Variants in FBXL17 observed in about 807,000 individuals in gnomAD.
FBXL17 encodes the protein F-box and leucine rich repeat protein 17.
Under a neutral mutation model 66.2 loss-of-function variants are expected in FBXL17, and 22 were observed. That is an observed-to-expected ratio of 0.33 (90% CI 0.24 to 0.47). The LOEUF (loss-of-function observed/expected upper bound fraction) is 0.47, where lower values mean the gene tolerates loss of function less well. Ranked by LOEUF, FBXL17 falls within the 20% of genes least tolerant of loss-of-function variation. The pLI is 1.00. For synonymous variants in FBXL17, 474 were observed against 400.5 expected (o/e 1.18, Z -2.19); for missense variants, 878 against 948.2 (o/e 0.93, Z 0.97).
At chr5:107,868,156 T>G (rs1458708754) in intron 8 of FBXL17, among the ~76,000 whole-genome samples, 2 of 152,146 alleles carry the variant, frequency 1.3e-5, no homozygotes, top group African/African-American at 4.8e-5. Flanking sequence ...TAGCTAGAAT[T>G]TGAATTCAGG....
At chr5:107,928,970 G>C (rs922169130) in intron 7 of FBXL17, among the ~76,000 whole-genome samples, 1 of 151,948 alleles carries the variant, frequency 6.6e-6, no homozygotes, top group African/African-American at 2.4e-5. Context: ...CAATCTTCTT[G>C]TGCAGGAGTG....
At chr5:108,206,816 A>C (rs1754138221) in intron 5 of FBXL17, among the ~76,000 whole-genome samples, 1 of 152,156 alleles carries the variant, frequency 6.6e-6, no homozygotes, top group Non-Finnish European at 1.5e-5. Context: ...GTTTCTAATA[A>C]AGCTGCTATA....
chr5:108,008,589 T>A (rs999475583), intron 7 of FBXL17, among the ~76,000 whole-genome samples: 2 of 152,218 alleles, frequency 1.3e-5, no homozygotes, highest in African/African-American at 4.8e-5. Flanking sequence ...AATATAAATG[T>A]GTGTAATAAT....
At chr5:108,349,155 A>C (rs532118024) in intron 3 of FBXL17, among the ~76,000 whole-genome samples, 1 of 152,292 alleles carries the variant, frequency 6.6e-6, no homozygotes, top group African/African-American at 2.4e-5. Context: ...TAAAGGAATA[A>C]ATTATGGTGT....
At chr5:108,158,228 C>T (rs543619824) in intron 6 of FBXL17, among the ~76,000 whole-genome samples, 1 of 151,906 alleles carries the variant, frequency 6.6e-6, no homozygotes, top group East Asian at 1.9e-4. Flanking sequence ...AAATTAGTAT[C>T]CATAAGTATA....
At position 107,981,735 on chromosome 5, in the gene FBXL17, C is replaced by T. The variant is rs574727154; in HGVS notation, c.1822+39190G>A. 7.2e-5 allele frequency among the ~76,000 whole-genome samples: 11 copies of T among 152,332 alleles called. No homozygotes were observed. In the Middle Eastern group the frequency reaches 0.01, roughly 141 times the overall value. On this transcript the variant is annotated intron_variant, in intron 7 of 8. Transcript: ENST00000542267. Reference sequence around the variant, plus strand: ...AACATTATAGAAAAAAAACATTCTCCTTGATATTCTTGCCAGCATGCGGAG... The same window carrying T: ...AACATTATAGAAAAAAAACATTCTCTTTGATATTCTTGCCAGCATGCGGAG...
intron 6 of FBXL17, among the ~76,000 whole-genome samples, chr5:108,152,905 A>G (rs1377782119): frequency 6.6e-6 from 1 of 152,224 alleles, no homozygotes; most frequent in Non-Finnish European, 1.5e-5. Context: ...CTAGAATTGT[A>G]GCTCCCATAA....
chr5:108,150,300 T>C (rs1751719975), intron 6 of FBXL17, among the ~76,000 whole-genome samples: 2 of 152,154 alleles, frequency 1.3e-5, no homozygotes, highest in African/African-American at 4.8e-5. Flanking sequence ...ATCTCTCAGG[T>C]CCAAGTGATC....
At chr5:108,168,697 G>C (rs1752498808) in intron 6 of FBXL17, among the ~76,000 whole-genome samples, 1 of 152,018 alleles carries the variant, frequency 6.6e-6, no homozygotes, top group Non-Finnish European at 1.5e-5. Context: ...TTGCGATTTA[G>C]GATTTCCTAC....
chr5:107,926,497 G>T (rs1482843233), intron 7 of FBXL17, among the ~76,000 whole-genome samples: 6 of 151,744 alleles, frequency 4.0e-5, no homozygotes, highest in Non-Finnish European at 7.4e-5. Context: ...CATCTCCTGA[G>T]TAGGTAAATT....
chr5:107,975,029 G>C (rs959446990), intron 7 of FBXL17, among the ~76,000 whole-genome samples: 1 of 152,110 alleles, frequency 6.6e-6, no homozygotes, highest in Admixed American at 6.5e-5. Context: ...GCCTGCCCTA[G>C]ACGAGAGTCC....
intron 6 of FBXL17, among the ~76,000 whole-genome samples, chr5:108,150,781 T>A (rs571307349): frequency 6.6e-6 from 1 of 152,324 alleles, no homozygotes; most frequent in East Asian, 1.9e-4. Context: ...AGGCACATAA[T>A]AACGATTTTC....
At chr5:107,924,345 C>T (rs1215154850) in intron 7 of FBXL17, among the ~76,000 whole-genome samples, 1 of 152,064 alleles carries the variant, frequency 6.6e-6, no homozygotes, top group East Asian at 1.9e-4. Context: ...GGCAGAGAGC[C>T]ATATACATTT....
chr5:108,009,924 C>G (rs1678726507), intron 7 of FBXL17, among the ~76,000 whole-genome samples: 2 of 152,144 alleles, frequency 1.3e-5, no homozygotes, highest in Admixed American at 1.3e-4. Context: ...GGAAGGCTGG[C>G]ACCTTCTACC....
chr5:108,379,731 G>A (rs1749708134), intron 1 of FBXL17, among the ~76,000 whole-genome samples: 1 of 152,152 alleles, frequency 6.6e-6, no homozygotes, highest in Non-Finnish European at 1.5e-5. Flanking sequence ...GGAGAAGAGA[G>A]AAAAGGAGGG....
chr5:107,961,809 T>C (rs1428268986), intron 7 of FBXL17, among the ~76,000 whole-genome samples: 1 of 152,166 alleles, frequency 6.6e-6, no homozygotes, highest in African/African-American at 2.4e-5. Context: ...TCAGCTAAAC[T>C]TTTTTATTTC....
rs185121496 is a variant in FBXL17 at position 108,089,472 on chromosome 5, C to G, written c.1746-68471G>C. Among the ~76,000 whole-genome samples, 356 of 152,292 alleles carry G rather than the reference C, an allele frequency of 2.3e-3. 1 individual carries two copies. Among genetic ancestry groups the G allele is most frequent in the African/African-American group, 7.9e-3 (330 of 41,560 alleles). On this transcript the variant is annotated intron_variant, in intron 6 of 8. Transcript: ENST00000542267. ...TGCTCACCACTCTCCCATACCATCCCCAGAATAACCCCTGCTTCTTCCTTA... is the reference window on the plus strand; with the variant it reads ...TGCTCACCACTCTCCCATACCATCCGCAGAATAACCCCTGCTTCTTCCTTA...
intron 1 of FBXL17, among the ~76,000 whole-genome samples, chr5:108,375,946 T>C (rs1422808984): frequency 6.6e-6 from 1 of 152,062 alleles, no homozygotes; most frequent in Non-Finnish European, 1.5e-5. Flanking sequence ...ATCCCAGGAA[T>C]GCAAGGATGG....
chr5:107,880,384 T>C (rs771618993), intron 8 of FBXL17: 16 of 986,056 alleles, frequency 1.6e-5, no homozygotes, highest in Non-Finnish European at 1.9e-5. Flanking sequence ...TATTATCTGT[T>C]TTCTCAGTCT....
Sources: allele counts gnomAD v4.1 joint callset (sites outside exome capture counted in the v4.1 genomes callset), GRCh38; gene constraint gnomAD v4.1.1; transcripts MANE v1.5; gene names NCBI Gene and HGNC (gene_info 2026-07-23, HGNC 2026-07-21).